Variants in GPR26 observed in about 807,000 individuals in gnomAD.
GPR26 encodes G protein-coupled receptor 26.
A neutral mutation model predicts 23.1 loss-of-function variants in GPR26; 15 were observed. That is an observed-to-expected ratio of 0.65 (90% confidence interval 0.43 to 1.00). The LOEUF is 1.00. Among genes scored for constraint, GPR26 ranks in the 50% least tolerant of loss-of-function variants. The pLI is 0.00. For missense variants in GPR26, 359 were observed against 470.5 expected, an observed-to-expected ratio of 0.76 and a Z score of 2.19; for synonymous variants, 228 against 222.1, an observed-to-expected ratio of 1.03 and a Z score of -0.24.
rs1845453132 is a variant in GPR26, at chr10:123,688,287, C to T, written c.*127C>T. On this transcript the variant is annotated 3_prime_UTR_variant, in exon 3 of 3. Coordinates refer to ENST00000284674, the MANE Select transcript of GPR26 (RefSeq NM_153442.4). ...TGGCATGCCCAGTGATCCTGGTTCC[C>T]TGGCTTGTAGGGGCTCCAGAGCCTG... The T allele has an allele frequency of 7.4e-6, 5 of 671,668 alleles. No individual in the cohort carries two copies. Among genetic ancestry groups the T allele is most frequent in the Non-Finnish European group, 1.3e-5 (5 of 383,508 alleles). 41.6% of individuals were successfully genotyped at this position (671,668 alleles called of 1,614,324 possible). A position where few individuals can be genotyped will look rare whatever the true frequency, so the allele number is the denominator to read the frequency against.
At chr10:123,678,687 C>A (rs989846232) in intron 2 of GPR26, among the ~76,000 whole-genome samples, 1 of 152,196 alleles carries the variant, frequency 6.6e-6, no homozygotes, top group Non-Finnish European at 1.5e-5. Context: ...TGGGCGCCCC[C>A]CTCCAGGCAC....
At position 123,674,018 on chromosome 10, in the gene GPR26, C is replaced by T. The variant is rs1222291999; in HGVS notation, c.669-800C>T. 6.6e-6 allele frequency among the ~76,000 whole-genome samples: 1 copy of T among 152,058 alleles called. No individual in the cohort carries two copies. Among genetic ancestry groups the T allele is most frequent in the Non-Finnish European group, 1.5e-5 (1 of 68,030 alleles). Reference sequence around the variant, plus strand: ...TCTTGCCCAGGCTGAAGGGCAATGACACGGTCTCAGCTCACTGCAACCTCT... The same window carrying T: ...TCTTGCCCAGGCTGAAGGGCAATGATACGGTCTCAGCTCACTGCAACCTCT... On this transcript the variant is annotated intron_variant, in intron 1 of 2. Coordinates refer to ENST00000284674, the MANE Select transcript of GPR26 (RefSeq NM_153442.4). The surrounding 1 kb of genome is among the most constrained non-coding windows in gnomAD (Gnocchi z 4.1).
chr10:123,676,971 G>A (rs1164031700), intron 2 of GPR26, among the ~76,000 whole-genome samples: 3 of 152,196 alleles, frequency 2.0e-5, no homozygotes, highest in Non-Finnish European at 4.4e-5. Flanking sequence ...GCCCCGGACT[G>A]GCTGCTGCAC....
chr10:123,667,136 G>A, intron 1 of GPR26, 61 bp downstream of exon 1: 3 of 1,263,560 alleles, frequency 2.4e-6, no homozygotes, highest in Non-Finnish European at 3.2e-6. Flanking sequence ...GGGAGTGGGA[G>A]GTCCCTAGCC....
chr10:123,682,384 TG>T, intron 2 of GPR26, among the ~76,000 whole-genome samples: 1 of 152,320 alleles, frequency 6.6e-6, no homozygotes, highest in South Asian at 2.1e-4. Context: ...ACTTGTGTAC[TG>T]GGGCACACGA....
Position 123,673,280 on chromosome 10 carries a change from T to C in GPR26, c.669-1538T>C, listed in dbSNP as rs145663240. Among the ~76,000 whole-genome samples, 61 of 152,308 alleles carry C rather than the reference T, an allele frequency of 4.0e-4. No individual in the cohort carries two copies. In the East Asian group the frequency reaches 7.7e-3, roughly 19 times the overall value. On this transcript the variant is annotated intron_variant, in intron 1 of 2. Coordinates refer to ENST00000284674, the MANE Select transcript of GPR26 (RefSeq NM_153442.4). ...ATAGGAAATCTAGTTAAAAGGAGTT[T>C]TGATTAAGTATCAAAATCATGAGTC...
rs1027961801 is a variant in GPR26 at position 123,693,150 on chromosome 10, G to A, written c.*4990G>A. On this transcript the variant is annotated 3_prime_UTR_variant, in exon 3 of 3. Coordinates refer to ENST00000284674, the MANE Select transcript of GPR26 (RefSeq NM_153442.4). ...CGTCATATGGCTGCCACTTGCTTGG[G>A]AAGGAATTCTCCAGACTCCTTTTAC... 1.3e-5 allele frequency: 2 copies of A among 152,224 alleles called. No homozygotes were observed. The highest frequency in any genetic ancestry group is 1.3e-4 in the Admixed American group (2 of 15,284). 9.4% of individuals were successfully genotyped at this position (152,224 alleles called of 1,614,324 possible). A position where few individuals can be genotyped will look rare whatever the true frequency, so the allele number is the denominator to read the frequency against.
rs970728655 is a variant in GPR26, at chr10:123,688,338, T to C, written c.*178T>C. 5 of 607,046 alleles carry C rather than the reference T, an allele frequency of 8.2e-6. No homozygotes were observed. Among genetic ancestry groups the C allele is most frequent in the East Asian group, 2.8e-5 (1 of 36,350 alleles). 37.6% of individuals were successfully genotyped at this position (607,046 alleles called of 1,614,324 possible). A position where few individuals can be genotyped will look rare whatever the true frequency, so the allele number is the denominator to read the frequency against. On this transcript the variant is annotated 3_prime_UTR_variant, in exon 3 of 3. Transcript: ENST00000284674. ...CTTCCTGGTTCCTCAAGGGCAGATATTGGACACTCCTTATTTGTCACCAAA... is the reference window on the plus strand; with the variant it reads ...CTTCCTGGTTCCTCAAGGGCAGATACTGGACACTCCTTATTTGTCACCAAA...
rs1845286847 is a variant in GPR26, at chr10:123,674,724, C to T, written c.669-94C>T. 2.6e-6 allele frequency: 2 copies of T among 772,592 alleles called. No homozygotes were observed. Among genetic ancestry groups the T allele is most frequent in the South Asian group, 3.2e-5 (2 of 63,206 alleles). 47.9% of individuals were successfully genotyped at this position (772,592 alleles called of 1,614,324 possible). On this transcript the variant is annotated intron_variant, in intron 1 of 2. Coordinates refer to ENST00000284674, the MANE Select transcript of GPR26 (RefSeq NM_153442.4). This position sits in a 1 kb window ranked among gnomAD's most constrained non-coding sequence, Gnocchi z 4.1. ...TTCCGACTCCATAGTCAAGTTCTCA[C>T]ACTAGAGACTGCTGCCTGTGTTAGT...
intron 1 of GPR26, among the ~76,000 whole-genome samples, chr10:123,669,587 C>T (rs1000827151): frequency 6.6e-6 from 1 of 152,194 alleles, no homozygotes; most frequent in African/African-American, 2.4e-5. Flanking sequence ...AGTCTTTGCT[C>T]ACTGGAAGTT....
chr10:123,688,444 G>T lies in GPR26; in HGVS notation c.*284G>T. ...TGGACTCACCTGAGGCTCCCTGGGG[G>T]ATGACACTCAGTTCTGTCACTGTCA... On this transcript the variant is annotated 3_prime_UTR_variant, in exon 3 of 3. Coordinates refer to ENST00000284674, the MANE Select transcript of GPR26 (RefSeq NM_153442.4). The T allele has an allele frequency of 2.3e-6, 1 of 437,022 alleles. No homozygotes were observed. 27.1% of individuals were successfully genotyped at this position (437,022 alleles called of 1,614,324 possible).
chr10:123,674,844 A>T lies in GPR26; in HGVS notation c.695A>T (p.Gln232Leu). Reference protein sequence around the residue: ...PSVRERCLEEQKRRRQRATKK... With the variant: ...PSVRERCLEELKRRRQRATKK... ...GTGCGGGAACGCTGTCTGGAGGAGCAGAAGCGGAGGCGACAGCGAGCCACC... is the reference window on the plus strand; with the variant it reads ...GTGCGGGAACGCTGTCTGGAGGAGCTGAAGCGGAGGCGACAGCGAGCCACC... The change falls in exon 2 of 3, where the codon CAG becomes CTG. Residue 232 changes from glutamine (Q) to leucine (L), a missense_variant. Coordinates refer to ENST00000284674, the MANE Select transcript of GPR26 (RefSeq NM_153442.4). This position sits in a 1 kb window ranked among gnomAD's most constrained non-coding sequence, Gnocchi z 4.1. 1 of 1,613,512 alleles carries T rather than the reference A, an allele frequency of 6.2e-7. No homozygotes were observed. The highest frequency in any genetic ancestry group is 8.5e-7 in the Non-Finnish European group (1 of 1,179,764).
rs73379631 is a variant in GPR26, at chr10:123,674,456, T to A, written c.669-362T>A. 7.0e-3 allele frequency among the ~76,000 whole-genome samples: 1,065 copies of A among 152,354 alleles called. 16 individuals are homozygous for A. The highest frequency in any genetic ancestry group is 0.025 in the African/African-American group (1,031 of 41,578). The stretch of plus-strand genomic sequence containing the variant: ...AGAGGTAATGTTTAATGTTTCTTTG[T>A]ACTGACTTGGGCACTGTGCCGGTGG... On this transcript the variant is annotated intron_variant, in intron 1 of 2. Coordinates refer to ENST00000284674, the MANE Select transcript of GPR26 (RefSeq NM_153442.4). This position sits in a 1 kb window ranked among gnomAD's most constrained non-coding sequence, Gnocchi z 4.1.
Position 123,674,774 on chromosome 10 carries a change from C to A in GPR26, c.669-44C>A. 1 of 1,306,972 alleles carries A rather than the reference C, an allele frequency of 7.7e-7. No individual in the cohort carries two copies. Among genetic ancestry groups the A allele is most frequent in the Non-Finnish European group, 1.1e-6 (1 of 906,722 alleles). The allele number at this position is 1,306,972 out of a possible 1,614,324, so 81.0% of individuals were successfully genotyped here. A position where few individuals can be genotyped will look rare whatever the true frequency, so the allele number is the denominator to read the frequency against. ...TAAATAGTGCCTCATCCTGACCTAG[C>A]AAGGGTGCCTCGTAGTTCACCTTCT... On this transcript the variant is annotated intron_variant, in intron 1 of 2. Coordinates refer to ENST00000284674, the MANE Select transcript of GPR26 (RefSeq NM_153442.4). This position sits in a 1 kb window ranked among gnomAD's most constrained non-coding sequence, Gnocchi z 4.1.
At position 123,678,509 on chromosome 10, in the gene GPR26, C is replaced by T. The variant is rs761025204; in HGVS notation, c.782+3578C>T. ...GGTCAGGAGGCCTGAAGGGAGGAGA[C>T]ATCAGACCCTGAAACAAGGCAGCAG... On this transcript the variant is annotated intron_variant, in intron 2 of 2. Transcript: ENST00000284674. Among the ~76,000 whole-genome samples, 91 of 152,202 alleles carry T rather than the reference C, an allele frequency of 6.0e-4. 2 individuals are homozygous for T. Among genetic ancestry groups the T allele is most frequent in the Non-Finnish European group, 1.2e-3 (83 of 68,026 alleles).
chr10:123,669,932 T>C (rs181308153), intron 1 of GPR26, among the ~76,000 whole-genome samples: 1 of 152,304 alleles, frequency 6.6e-6, no homozygotes, highest in Admixed American at 6.5e-5. Flanking sequence ...ATGAGCAGCA[T>C]TCACTTCTCC....
Position 123,691,690 on chromosome 10 carries a change from C to T in GPR26, c.*3530C>T, listed in dbSNP as rs1417911487. 1 of 152,144 alleles carries T rather than the reference C, an allele frequency of 6.6e-6. No homozygotes were observed. The highest frequency in any genetic ancestry group is 1.5e-5 in the Non-Finnish European group (1 of 68,034). The allele number at this position is 152,144 out of a possible 1,614,324, so 9.4% of individuals were successfully genotyped here. On this transcript the variant is annotated 3_prime_UTR_variant, in exon 3 of 3. Transcript: ENST00000284674. ...GGGGAGCATCATGGGAAAAAGAGGT[C>T]CGAGTCATATTTAGGGCTTCATGTG...
intron 2 of GPR26, among the ~76,000 whole-genome samples, chr10:123,675,907 C>T (rs1171097887): frequency 7.3e-6 from 1 of 137,470 alleles, no homozygotes; most frequent in Admixed American, 8.2e-5. Flanking sequence ...GCCAGCAGCC[C>T]CCAGCATCCT....
intron 1 of GPR26, among the ~76,000 whole-genome samples, chr10:123,672,250 CTCTT>C (rs1845259778): frequency 6.6e-6 from 1 of 151,836 alleles, no homozygotes; most frequent in Admixed American, 6.6e-5. Flanking sequence ...AAATCACTCT[CTCTT>C]TTGAGCCTCA....
Sources: gnomAD v4.1 joint callset for allele counts (sites outside exome capture counted in the v4.1 genomes callset) on GRCh38, gnomAD v4.1.1 for gene constraint, Gnocchi (gnomAD v3.1) non-coding constraint, MANE v1.5 for transcripts, NCBI Gene and HGNC (gene_info 2026-07-23, HGNC 2026-07-21) for gene names.